Variants in DPYD observed in about 807,000 individuals in gnomAD.
DPYD encodes the protein dihydropyrimidine dehydrogenase [NADP(+)].
Under a neutral mutation model 116.2 loss-of-function variants are expected in DPYD, and 109 were observed. That is an observed-to-expected ratio of 0.94 (90% CI 0.80 to 1.10). The LOEUF is 1.10. DPYD is among the 50% of genes least tolerant of loss of function. The pLI is 0.00. For missense variants in DPYD, 1,302 were observed against 1,254.5 expected, an observed-to-expected ratio of 1.04 and a Z score of -0.57; for synonymous variants, 440 against 432.0, an observed-to-expected ratio of 1.02 and a Z score of -0.23.
chr1:97,414,166 C>T (rs1674163749), intron 14 of DPYD, among the ~76,000 whole-genome samples: 1 of 152,062 alleles, frequency 6.6e-6, no homozygotes, highest in Non-Finnish European at 1.5e-5. Context: ...ATTAAAAATT[C>T]TACAACTTGG....
chr1:97,815,555 T>C (rs1397109711), intron 3 of DPYD, among the ~76,000 whole-genome samples: 1 of 152,078 alleles, frequency 6.6e-6, no homozygotes, highest in Non-Finnish European at 1.5e-5. Flanking sequence ...CAAGTACAAA[T>C]TACAGATTTG....
At chr1:97,694,901 T>G (rs1317357896) in intron 6 of DPYD, among the ~76,000 whole-genome samples, 19 of 152,238 alleles carry the variant, frequency 1.2e-4, no homozygotes, top group Admixed American at 1.2e-3. Context: ...TAGTTGCTAT[T>G]GAGTTTTAGT....
intron 13 of DPYD, among the ~76,000 whole-genome samples, chr1:97,495,103 T>G (rs1432733817): frequency 6.6e-6 from 1 of 152,156 alleles, no homozygotes; most frequent in Non-Finnish European, 1.5e-5. Flanking sequence ...ACAAATATTT[T>G]AAACATGTTA....
intron 18 of DPYD, among the ~76,000 whole-genome samples, chr1:97,239,833 A>G (rs1299712339): frequency 6.6e-6 from 1 of 152,126 alleles, no homozygotes; most frequent in Non-Finnish European, 1.5e-5. Flanking sequence ...TAAAATAATA[A>G]AAATTGTAAT....
intron 18 of DPYD, among the ~76,000 whole-genome samples, chr1:97,282,607 G>T (rs1489508471): frequency 1.3e-5 from 2 of 152,018 alleles, no homozygotes; most frequent in Non-Finnish European, 2.9e-5. Flanking sequence ...GGTTCAAGGG[G>T]TACATGTGCA....
intron 8 of DPYD, among the ~76,000 whole-genome samples, chr1:97,652,245 C>T (rs954794005): frequency 2.0e-5 from 3 of 152,094 alleles, no homozygotes; most frequent in African/African-American, 7.2e-5. Flanking sequence ...TTCATTTTCT[C>T]TTAAAAAATT....
chr1:97,739,659 C>A (rs1246958251), intron 4 of DPYD, among the ~76,000 whole-genome samples: 2 of 151,998 alleles, frequency 1.3e-5, no homozygotes, highest in South Asian at 2.1e-4. Context: ...TGAAAGGATT[C>A]TCTGTATCTT....
chr1:97,130,606 T>A (rs1330702185), intron 20 of DPYD, among the ~76,000 whole-genome samples: 2 of 152,148 alleles, frequency 1.3e-5, no homozygotes, highest in African/African-American at 4.8e-5. Context: ...CATTTTATCT[T>A]TTTCACTCTA....
intron 19 of DPYD, among the ~76,000 whole-genome samples, chr1:97,204,817 C>T (rs1659480709): frequency 6.6e-6 from 1 of 151,988 alleles, no homozygotes; most frequent in African/African-American, 2.4e-5. Context: ...CTTATGCAGG[C>T]CTCAGAGCAT....
At chr1:97,654,972 A>G (rs1378878945) in intron 8 of DPYD, among the ~76,000 whole-genome samples, 3 of 152,136 alleles carry the variant, frequency 2.0e-5, no homozygotes, top group African/African-American at 4.8e-5. Context: ...AGATCTTGTG[A>G]GACTTATTCA....
intron 13 of DPYD, among the ~76,000 whole-genome samples, chr1:97,500,703 G>A (rs1284995191): frequency 1.3e-5 from 2 of 152,024 alleles, no homozygotes; most frequent in East Asian, 1.9e-4. Context: ...TTTTACTCAC[G>A]TAATTTAGGC....
chr1:97,106,595 C>A (rs748260370), intron 20 of DPYD, among the ~76,000 whole-genome samples: 2 of 152,098 alleles, frequency 1.3e-5, no homozygotes, highest in African/African-American at 4.8e-5. Flanking sequence ...AGCACTCGCC[C>A]AGCCATCTCC....
At chr1:97,870,589 T>C (rs753590923) in intron 2 of DPYD, among the ~76,000 whole-genome samples, 17 of 151,832 alleles carry the variant, frequency 1.1e-4, no homozygotes, top group Non-Finnish European at 2.5e-4. Context: ...TTTGTGAGTA[T>C]ACAGCATACA....
At chr1:97,732,018 A>G (rs1377897234) in intron 4 of DPYD, among the ~76,000 whole-genome samples, 2 of 152,186 alleles carry the variant, frequency 1.3e-5, no homozygotes, top group Admixed American at 6.5e-5. Context: ...GATGTATAAT[A>G]AAAATCCTTT....
chr1:97,354,921 C>A (rs534746005), intron 16 of DPYD, among the ~76,000 whole-genome samples: 4 of 152,268 alleles, frequency 2.6e-5, no homozygotes, highest in East Asian at 3.9e-4. Flanking sequence ...CCATCAGTTT[C>A]TTTATTTTTC....
chr1:97,809,832 A>C (rs1301967650), intron 3 of DPYD, among the ~76,000 whole-genome samples: 3 of 152,160 alleles, frequency 2.0e-5, no homozygotes, highest in Non-Finnish European at 2.9e-5. Context: ...ATTAACAAAG[A>C]ATCAGGACAA....
intron 3 of DPYD, among the ~76,000 whole-genome samples, chr1:97,775,831 T>C (rs796915147): frequency 7.9e-5 from 12 of 152,288 alleles, no homozygotes; most frequent in African/African-American, 2.9e-4. Context: ...AAATCCCACA[T>C]TGGGTCATCA....
At chr1:97,266,773 T>C (rs894650603) in intron 18 of DPYD, among the ~76,000 whole-genome samples, 2 of 151,974 alleles carry the variant, frequency 1.3e-5, no homozygotes, top group Admixed American at 6.6e-5. Flanking sequence ...AGTGAGAACA[T>C]GGGGTGTTTG....
At chr1:97,247,761 T>C (rs1200952010) in intron 18 of DPYD, among the ~76,000 whole-genome samples, 1 of 152,066 alleles carries the variant, frequency 6.6e-6, no homozygotes, top group Non-Finnish European at 1.5e-5. Flanking sequence ...TGAAGTGAAA[T>C]GCACAAATTC....
Sources: allele counts gnomAD v4.1 joint callset (sites outside exome capture counted in the v4.1 genomes callset), GRCh38; gene constraint gnomAD v4.1.1; transcripts MANE v1.5; gene names NCBI Gene and HGNC (gene_info 2026-07-23, HGNC 2026-07-21).